The following KCTD1 variants were observed in gnomAD, a reference collection of about 807,000 sequenced individuals.
The protein encoded by KCTD1 is BTB/POZ domain-containing protein KCTD1.
Under a neutral mutation model 66.0 loss-of-function variants are expected in KCTD1, and 24 were observed. That is an observed-to-expected ratio of 0.36 (90% CI 0.26 to 0.51). The LOEUF is 0.51. KCTD1 is among the 20% of genes least tolerant of loss of function. The pLI, the probability that KCTD1 is intolerant of heterozygous loss-of-function variation, is 0.95. For missense variants in KCTD1, 943 were observed against 1,205.2 expected, an observed-to-expected ratio of 0.78 and a Z score of 3.22; for synonymous variants, 511 against 517.2, an observed-to-expected ratio of 0.99 and a Z score of 0.16.
intron 1 of KCTD1, among the ~76,000 whole-genome samples, chr18:26,570,191 A>AAATATATAT (rs776923644): frequency 0.13 from 16,502 of 131,754 alleles, 1,350 homozygotes; most frequent in East Asian, 0.24. Flanking sequence ...ATCTAAAAAA[A>AAATATATAT]ATATATATAT....
chr18:26,642,224 G>A (rs1478590819), upstream of KCTD1, among the ~76,000 whole-genome samples: 1 of 152,182 alleles, frequency 6.6e-6, no homozygotes, highest in South Asian at 2.1e-4. Context: ...AGCAGTGGAA[G>A]TGAATGTCCT....
At position 26,506,808 on chromosome 18, in the gene KCTD1, G is replaced by A. The variant is rs1405555417; in HGVS notation, c.1810-5558C>T. Among the ~76,000 whole-genome samples, 4 of 152,200 alleles carry A rather than the reference G, an allele frequency of 2.6e-5. No homozygotes were observed. The East Asian group carries it at 7.7e-4, about 29-fold the overall frequency. ...GCACAGTTCAATATGGTCACCACCA[G>A]CCACAAGTGGGTGTCATAGTGAGAC... On this transcript the variant is annotated intron_variant, in intron 1 of 4. Transcript: ENST00000580059.
chr18:26,513,956 T>C (rs1983490167), intron 1 of KCTD1, among the ~76,000 whole-genome samples: 1 of 152,256 alleles, frequency 6.6e-6, no homozygotes, highest in Non-Finnish European at 1.5e-5. Flanking sequence ...ACTACTGCTT[T>C]CTACTTGCCT....
intron 1 of KCTD1, among the ~76,000 whole-genome samples, chr18:26,517,658 CAAAAAAAAAAAAAAA>C (rs968619785): frequency 2.4e-4 from 13 of 53,408 alleles, no homozygotes; most frequent in Admixed American, 1.4e-3. Context: ...ACTCCGTCTC[CAAAAAAAAAAAAAAA>C]AAAAAAAAAA....
intron 1 of KCTD1, among the ~76,000 whole-genome samples, chr18:26,652,904 C>T (rs1012290361): frequency 6.6e-6 from 1 of 152,182 alleles, no homozygotes; most frequent in African/African-American, 2.4e-5. Context: ...TTAACATGCC[C>T]GAAACTTAGG....
intron 2 of KCTD1, among the ~76,000 whole-genome samples, chr18:26,500,010 T>C (rs1279134109): frequency 6.6e-6 from 1 of 152,234 alleles, no homozygotes; most frequent in African/African-American, 2.4e-5. Context: ...CAAGGTGCAG[T>C]GGCTCACACC....
chr18:26,540,536 C>T lies in KCTD1; in HGVS notation c.1809+6192G>A, dbSNP rs1984928608. On this transcript the variant is annotated intron_variant, in intron 1 of 4. Coordinates refer to ENST00000580059, the MANE Select transcript of KCTD1 (RefSeq NM_001142730.3). ...CCTGTCCTGCTTCCCTTTCTACCTC[C>T]TCTATCTCCTCTGCCTCTGCCACCC... 2.6e-5 allele frequency among the ~76,000 whole-genome samples: 4 copies of T among 152,266 alleles called. No individual in the cohort carries two copies. The South Asian group carries it at 8.3e-4, about 32-fold the overall frequency.
intron 1 of KCTD1, among the ~76,000 whole-genome samples, chr18:26,513,580 G>T (rs1051201198): frequency 6.6e-6 from 1 of 152,206 alleles, no homozygotes; most frequent in African/African-American, 2.4e-5. Flanking sequence ...TAGAGACGAA[G>T]TTTTAGCCTA....
At chr18:26,578,055 T>G (rs1441340065) in intron 1 of KCTD1, among the ~76,000 whole-genome samples, 1 of 129,284 alleles carries the variant, frequency 7.7e-6, no homozygotes, top group African/African-American at 2.9e-5. Context: ...TTTCTTTTCT[T>G]TCTTTTTTTT....
chr18:26,568,745 T>A (rs1438835923), intron 1 of KCTD1, among the ~76,000 whole-genome samples: 1 of 152,222 alleles, frequency 6.6e-6, no homozygotes, highest in Non-Finnish European at 1.5e-5. Flanking sequence ...GTAACTAATT[T>A]GCTGCTACTG....
intron 1 of KCTD1, among the ~76,000 whole-genome samples, chr18:26,514,883 T>A (rs554737437): frequency 2.6e-5 from 4 of 152,326 alleles, no homozygotes; most frequent in African/African-American, 9.6e-5. Flanking sequence ...GAGAGGATAG[T>A]GGTTGATGAA....
At position 26,639,523 on chromosome 18, in the gene KCTD1, G is replaced by GA. The variant is rs1175943415; in HGVS notation, c.-107+787dup. On this transcript the variant is annotated intron_variant, in intron 1 of 5. Transcript: ENST00000579973. ...TATTATAGAGAATTGGAAAAATAAA[G>GA]AAAAAAATGAGAAAATAAAAATCCT... Among the ~76,000 whole-genome samples the GA allele has an allele frequency of 3.3e-5, 5 of 152,012 alleles. No individual in the cohort carries two copies. The East Asian group carries it at 5.8e-4, about 18-fold the overall frequency.
chr18:26,585,615 G>T (rs1217068089), intron 1 of KCTD1, among the ~76,000 whole-genome samples: 1 of 152,100 alleles, frequency 6.6e-6, no homozygotes, highest in South Asian at 2.1e-4. Context: ...AAGCAAAAAT[G>T]GGATTTCATT....
intron 1 of KCTD1, among the ~76,000 whole-genome samples, chr18:26,647,514 C>A (rs1456622412): frequency 8.0e-5 from 3 of 37,562 alleles, no homozygotes; most frequent in South Asian, 3.6e-3. Flanking sequence ...AGTGAGACTC[C>A]ATCTCAAAAA....
intron 1 of KCTD1, among the ~76,000 whole-genome samples, chr18:26,535,984 AAAAG>A (rs1445341954): frequency 1.3e-5 from 2 of 151,312 alleles, no homozygotes; most frequent in East Asian, 1.9e-4. Flanking sequence ...AAAAAAAAAA[AAAAG>A]AAGATTTTTT....
intron 1 of KCTD1, among the ~76,000 whole-genome samples, chr18:26,636,086 C>A (rs551915028): frequency 1.3e-5 from 2 of 152,158 alleles, no homozygotes; most frequent in African/African-American, 4.8e-5. Context: ...TGAGTTCAGT[C>A]CAACAGCAAG....
In KCTD1 at chr18:26,532,261, C is replaced by CTTTTTTTTTTTTTTTTTTTT. The variant is rs533359603; in HGVS notation, c.1809+14447_1809+14466dup. On this transcript the variant is annotated intron_variant, in intron 1 of 4. Transcript: ENST00000580059. ...CTTTTTCTTTTTCTTTTCTTTCCTTCTTTTTTTTTTTTTTTTTTTTTTTTT... is the reference window on the plus strand; with the variant it reads ...CTTTTTCTTTTTCTTTTCTTTCCTTCTTTTTTTTTTTTTTTTTTTTTTTTTTTTTTTTTTTTTTTTTTTTT... Among the ~76,000 whole-genome samples the CTTTTTTTTTTTTTTTTTTTT allele has an allele frequency of 7.8e-4, 23 of 29,560 alleles. 2 individuals carry two copies. Among genetic ancestry groups the CTTTTTTTTTTTTTTTTTTTT allele is most frequent in the African/African-American group, 1.4e-3 (21 of 15,390 alleles). 19.4% of individuals were successfully genotyped at this position (29,560 alleles called of 152,430 possible).
At chr18:26,579,981 TG>T (rs1296214855) in intron 1 of KCTD1, among the ~76,000 whole-genome samples, 3 of 152,204 alleles carry the variant, frequency 2.0e-5, no homozygotes, top group Non-Finnish European at 1.5e-5. Context: ...AGTTGGCCAA[TG>T]GTAACATAGC....
intron 1 of KCTD1, among the ~76,000 whole-genome samples, chr18:26,598,664 G>A (rs978333436): frequency 2.0e-5 from 3 of 152,106 alleles, no homozygotes; most frequent in Admixed American, 6.6e-5. Context: ...ACTTGTTATT[G>A]TCTGTGTTTT....
Sources: allele counts gnomAD v4.1 joint callset (sites outside exome capture counted in the v4.1 genomes callset), GRCh38; gene constraint gnomAD v4.1.1; transcripts MANE v1.5; gene names NCBI Gene and HGNC (gene_info 2026-07-23, HGNC 2026-07-21).